The following FGF14 variants were observed in gnomAD, a reference collection of about 807,000 sequenced individuals.
FGF14 encodes fibroblast growth factor homologous factor 4.
FGF14 carries 5 observed loss-of-function variants against 25.5 expected under a neutral mutation model. The ratio of observed to expected loss-of-function variants is 0.20; its 90% CI spans 0.10 to 0.41. The LOEUF (loss-of-function observed/expected upper bound fraction) is 0.41. FGF14 is among the 10% of genes least tolerant of loss of function. FGF14 has a pLI of 1.00. For synonymous variants in FGF14, 138 were observed against 118.3 expected, an observed-to-expected ratio of 1.17 and a Z score of -1.08; for missense variants, 222 against 320.1, an observed-to-expected ratio of 0.69 and a Z score of 2.34.
chr13:101,952,146 T>A (rs140744897), intron 1 of FGF14, among the ~76,000 whole-genome samples: 236 of 152,304 alleles, frequency 1.5e-3, no homozygotes, highest in African/African-American at 5.4e-3. Context: ...ATCCAAACTA[T>A]GCATTATTAT....
chr13:101,739,933 G>T (rs2036432453), intron 3 of FGF14, among the ~76,000 whole-genome samples: 1 of 152,192 alleles, frequency 6.6e-6, no homozygotes, highest in South Asian at 2.1e-4. Context: ...CCTAAACTCA[G>T]TAGTTAAAAA....
At chr13:102,207,036 C>T (rs989041296) in intron 1 of FGF14, among the ~76,000 whole-genome samples, 1 of 152,124 alleles carries the variant, frequency 6.6e-6, no homozygotes, top group African/African-American at 2.4e-5. Context: ...AATCCCAACA[C>T]TTTGGGAGGC....
intron 1 of FGF14, among the ~76,000 whole-genome samples, chr13:102,010,391 GCA>G (rs2040015619): frequency 6.6e-6 from 1 of 152,086 alleles, no homozygotes; most frequent in Non-Finnish European, 1.5e-5. Flanking sequence ...ACATTTTAGA[GCA>G]CAGAGATGTG....
intron 1 of FGF14, chr13:102,354,031 C>G (rs1345495008): frequency 6.1e-6 from 1 of 163,920 alleles, no homozygotes; most frequent in Non-Finnish European, 1.3e-5. Flanking sequence ...AAATGTCAAG[C>G]TGGGAACTTG....
intron 1 of FGF14, among the ~76,000 whole-genome samples, chr13:102,120,136 C>A (rs571450909): frequency 1.1e-4 from 16 of 152,132 alleles, no homozygotes; most frequent in South Asian, 4.2e-4. Context: ...CCTTTTTGGA[C>A]GGCCAAACAA....
At chr13:101,861,642 T>C (rs2044422043) in intron 3 of FGF14, among the ~76,000 whole-genome samples, 1 of 152,006 alleles carries the variant, frequency 6.6e-6, no homozygotes, top group East Asian at 1.9e-4. Context: ...TAAGGAGTGG[T>C]TACCATGTGG....
At chr13:102,068,846 G>T (rs1451893331) in intron 1 of FGF14, among the ~76,000 whole-genome samples, 1 of 152,224 alleles carries the variant, frequency 6.6e-6, no homozygotes, top group Non-Finnish European at 1.5e-5. Flanking sequence ...CCACCCAAGG[G>T]CTGAGGAGTG....
intron 1 of FGF14, among the ~76,000 whole-genome samples, chr13:101,939,245 C>T (rs1217106002): frequency 6.6e-6 from 1 of 152,188 alleles, no homozygotes; most frequent in East Asian, 1.9e-4. Flanking sequence ...CTGTGCGTTT[C>T]ATAGATATTC....
intron 1 of FGF14, among the ~76,000 whole-genome samples, chr13:102,072,123 G>T (rs573958840): frequency 6.6e-6 from 1 of 152,218 alleles, no homozygotes; most frequent in South Asian, 2.1e-4. Context: ...TGTGAAAGAA[G>T]AACAGAAAAT....
At chr13:102,029,326 T>G (rs1190427360) in intron 1 of FGF14, among the ~76,000 whole-genome samples, 1 of 152,082 alleles carries the variant, frequency 6.6e-6, no homozygotes, top group Non-Finnish European at 1.5e-5. Context: ...GCAAGATTTT[T>G]TCCATCTCAT....
intron 1 of FGF14, among the ~76,000 whole-genome samples, chr13:101,915,924 C>T (rs1433418720): frequency 6.6e-6 from 1 of 152,192 alleles, no homozygotes; most frequent in South Asian, 2.1e-4. Context: ...CACACACCCT[C>T]CACTCCTTCT....
intron 3 of FGF14, 31 bp downstream of exon 3, chr13:101,868,694 G>A (rs762761721): frequency 4.7e-5 from 62 of 1,309,356 alleles, no homozygotes; most frequent in Non-Finnish European, 6.0e-5. Context: ...TGCATTGAAC[G>A]AATGGCCGAG....
intron 1 of FGF14, among the ~76,000 whole-genome samples, chr13:102,346,260 G>A (rs990002019): frequency 2.0e-5 from 3 of 152,102 alleles, no homozygotes; most frequent in Non-Finnish European, 4.4e-5. Context: ...TTCATAAAAT[G>A]AAATACTATA....
At chr13:101,760,065 G>A (rs557127910) in intron 3 of FGF14, among the ~76,000 whole-genome samples, 14 of 152,186 alleles carry the variant, frequency 9.2e-5, no homozygotes, top group South Asian at 6.2e-4. Flanking sequence ...GGTCTTTTCC[G>A]CACAGAATAC....
chr13:101,748,406 C>G (rs1188006657), intron 3 of FGF14, among the ~76,000 whole-genome samples: 2 of 151,832 alleles, frequency 1.3e-5, no homozygotes, highest in Non-Finnish European at 2.9e-5. Context: ...ACCACATGTT[C>G]TCACTTATAA....
At chr13:102,022,146 C>A (rs55657662) in intron 1 of FGF14, among the ~76,000 whole-genome samples, 41,798 of 151,848 alleles carry the variant, frequency 0.28, 6,698 homozygotes, top group East Asian at 0.72. Context: ...TACTCAATGG[C>A]CTTACTAAAC....
chr13:102,008,525 G>C (rs1447976488), intron 1 of FGF14, among the ~76,000 whole-genome samples: 1 of 152,198 alleles, frequency 6.6e-6, no homozygotes, highest in East Asian at 1.9e-4. Flanking sequence ...CACTGGGAAA[G>C]TACAAAGATA....
chr13:102,283,553 T>C (rs1282040308), intron 1 of FGF14, among the ~76,000 whole-genome samples: 2 of 152,224 alleles, frequency 1.3e-5, no homozygotes, highest in African/African-American at 2.4e-5. Context: ...TTGCCATCAA[T>C]TTTATTTCAC....
At chr13:101,811,523 G>A (rs932330974) in intron 3 of FGF14, among the ~76,000 whole-genome samples, 3 of 152,212 alleles carry the variant, frequency 2.0e-5, no homozygotes, top group African/African-American at 7.2e-5. Flanking sequence ...TAAAGTGCAT[G>A]TTGGTTGCTT....
Sources: gnomAD v4.1 joint callset for allele counts (sites outside exome capture counted in the v4.1 genomes callset) on GRCh38, gnomAD v4.1.1 for gene constraint, MANE v1.5 for transcripts, NCBI Gene and HGNC (gene_info 2026-07-23, HGNC 2026-07-21) for gene names.